CACHD1: variants seen among roughly 807,000 people sequenced by gnomAD.
The protein encoded by CACHD1 is cache domain containing 1, also known as VWFA and cache domain-containing protein 1.
CACHD1 carries 71 observed loss-of-function variants against 138.7 expected under a neutral mutation model. That is an observed-to-expected ratio of 0.51 (90% confidence interval 0.42 to 0.62). The LOEUF is 0.62. CACHD1 is among the 20% of genes least tolerant of loss of function. The pLI is 0.00. For synonymous variants in CACHD1, 578 were observed against 591.5 expected (o/e 0.98, Z 0.33); for missense variants, 1,389 against 1,625.3 (o/e 0.85, Z 2.50).
At chr1:64,615,247 G>A (rs1436759) in intron 4 of CACHD1, among the ~76,000 whole-genome samples, 1 of 152,164 alleles carries the variant, frequency 6.6e-6, no homozygotes, top group Admixed American at 6.5e-5. Context: ...GTTGTAACAG[G>A]TTGGCTTTCT....
intron 16 of CACHD1, 127 bp from the exon 17 acceptor site, chr1:64,671,437 G>T: frequency 1.0e-6 from 1 of 969,306 alleles, no homozygotes; most frequent in Non-Finnish European, 1.6e-6. Flanking sequence ...ATTTTTGTAG[G>T]TGGGAAAAGT....
At chr1:64,584,874 GC>G (rs1647039336) in intron 3 of CACHD1, among the ~76,000 whole-genome samples, 1 of 152,120 alleles carries the variant, frequency 6.6e-6, no homozygotes, top group Non-Finnish European at 1.5e-5. Flanking sequence ...AATTAATAGG[GC>G]AAAATGTGAC....
intron 21 of CACHD1, 29 bp downstream of exon 21, chr1:64,676,012 T>C (rs1358128282): frequency 4.9e-6 from 2 of 405,578 alleles, no homozygotes; most frequent in African/African-American, 9.8e-5. Context: ...ATAATAATAA[T>C]AATAATAATA....
chr1:64,667,415 G>A (rs575490271), intron 16 of CACHD1, among the ~76,000 whole-genome samples: 16 of 152,326 alleles, frequency 1.1e-4, no homozygotes, highest in African/African-American at 3.4e-4. Context: ...CCTATGTCTC[G>A]TGGAAAACGG....
At chr1:64,651,254 C>T (rs1470421691) in intron 9 of CACHD1, among the ~76,000 whole-genome samples, 2 of 152,134 alleles carry the variant, frequency 1.3e-5, no homozygotes, top group Non-Finnish European at 2.9e-5. Flanking sequence ...AATTTAGGAA[C>T]TCCTGGCCCG....
At chr1:64,560,515 T>C (rs1349292053) in intron 2 of CACHD1, among the ~76,000 whole-genome samples, 2 of 152,112 alleles carry the variant, frequency 1.3e-5, no homozygotes, top group Non-Finnish European at 2.9e-5. Flanking sequence ...TCTTTAGATA[T>C]CTTATTGTTA....
chr1:64,565,048 C>T lies in CACHD1; in HGVS notation c.261+14392C>T, dbSNP rs79788898. On this transcript the variant is annotated intron_variant, in intron 2 of 26. Transcript: ENST00000651257. ...ATATTTCCAGGATCTGGATTTGTTT[C>T]GGGTTGCCTTGCCAAGTGTAATCTA... 4.8e-3 allele frequency among the ~76,000 whole-genome samples: 715 copies of T among 149,796 alleles called. 7 individuals carry two copies. The highest frequency in any genetic ancestry group is 0.022 in the South Asian group (101 of 4,652).
chr1:64,517,765 G>C (rs1168499573), intron 1 of CACHD1, among the ~76,000 whole-genome samples: 2 of 152,114 alleles, frequency 1.3e-5, no homozygotes, highest in Non-Finnish European at 2.9e-5. Context: ...TCAGGAGGAG[G>C]GACCTGGACA....
At chr1:64,586,331 T>C (rs576625882) in intron 3 of CACHD1, among the ~76,000 whole-genome samples, 1 of 152,356 alleles carries the variant, frequency 6.6e-6, no homozygotes, top group Non-Finnish European at 1.5e-5. Context: ...CCCAAAGTGC[T>C]GGAATTACAG....
chr1:64,634,375 TATG>T (rs1406694749), intron 7 of CACHD1, 115 bp downstream of exon 7: 7 of 320,152 alleles, frequency 2.2e-5, no homozygotes, highest in Non-Finnish European at 3.4e-5. Flanking sequence ...TTTATTTATG[TATG>T]TATTTATTTA....
chr1:64,617,262 A>C (rs114447979), intron 4 of CACHD1, among the ~76,000 whole-genome samples: 1 of 152,048 alleles, frequency 6.6e-6, no homozygotes, highest in African/African-American at 2.4e-5. Context: ...TGTGATGATC[A>C]TCTAGGCTTG....
intron 3 of CACHD1, among the ~76,000 whole-genome samples, chr1:64,600,278 C>T (rs547991363): frequency 1.3e-5 from 2 of 152,150 alleles, no homozygotes; most frequent in Non-Finnish European, 2.9e-5. Flanking sequence ...TGCTTTATTT[C>T]TAAAAGAATC....
At chr1:64,629,695 A>G (rs1648235231) in intron 5 of CACHD1, among the ~76,000 whole-genome samples, 1 of 152,060 alleles carries the variant, frequency 6.6e-6, no homozygotes, top group Admixed American at 6.6e-5. Context: ...ATAGCTATCT[A>G]ATATGCCAAA....
intron 13 of CACHD1, among the ~76,000 whole-genome samples, chr1:64,662,055 A>G (rs1649463698): frequency 1.3e-5 from 2 of 152,232 alleles, no homozygotes; most frequent in African/African-American, 2.4e-5. Context: ...TTTGCAATGC[A>G]CATGTCTACC....
chr1:64,484,210 G>T (rs1208584444), intron 1 of CACHD1, among the ~76,000 whole-genome samples: 5 of 152,012 alleles, frequency 3.3e-5, no homozygotes, highest in Non-Finnish European at 1.5e-5. Context: ...TGGAAAGGAG[G>T]AGCCAATCAG....
At chr1:64,638,890 A>G (rs1648609258) in intron 7 of CACHD1, among the ~76,000 whole-genome samples, 1 of 152,202 alleles carries the variant, frequency 6.6e-6, no homozygotes, top group Non-Finnish European at 1.5e-5. Flanking sequence ...TGGAAAAATA[A>G]CTCAATTTTT....
intron 4 of CACHD1, among the ~76,000 whole-genome samples, chr1:64,610,621 C>G (rs1171879304): frequency 2.0e-5 from 3 of 152,232 alleles, no homozygotes; most frequent in Non-Finnish European, 2.9e-5. Context: ...GATGAGCTCC[C>G]ACGGCCTGGG....
At chr1:64,610,686 G>T (rs534924813) in intron 4 of CACHD1, among the ~76,000 whole-genome samples, 1 of 152,168 alleles carries the variant, frequency 6.6e-6, no homozygotes, top group South Asian at 2.1e-4. Flanking sequence ...CTCCTATCAC[G>T]GGCTAGCCTT....
chr1:64,537,165 A>C (rs2100418530), intron 1 of CACHD1, among the ~76,000 whole-genome samples: 1 of 152,248 alleles, frequency 6.6e-6, no homozygotes, highest in Non-Finnish European at 1.5e-5. Context: ...CTGCTTGCTT[A>C]GGTCTGGGAA....
Sources: allele counts gnomAD v4.1 joint callset (sites outside exome capture counted in the v4.1 genomes callset), GRCh38; gene constraint gnomAD v4.1.1; transcripts MANE v1.5; gene names NCBI Gene and HGNC (gene_info 2026-07-23, HGNC 2026-07-21).